RNASEK: variants seen among roughly 807,000 people sequenced by gnomAD.
The protein encoded by RNASEK is ribonuclease K.
RNASEK carries 7 observed loss-of-function variants against 11.2 expected under a neutral mutation model. That is an observed-to-expected ratio of 0.62 (90% CI 0.35 to 1.17). The LOEUF is 1.17. Among genes scored for constraint, RNASEK ranks in the 50% most tolerant of loss-of-function variants. The pLI is 0.02. For synonymous variants in RNASEK, 46 were observed against 49.5 expected (o/e 0.93, Z 0.30); for missense variants, 101 against 126.7 (o/e 0.80, Z 0.97).
Position 7,012,687 on chromosome 17 carries a change from G to T in RNASEK, c.4G>T (p.Ala2Ser), listed in dbSNP as rs1347019868. Reference sequence around the variant, plus strand: ...GCGATCCCCGACTCCCTTCTTTATGGCGTCGCTCCTGTGCTGTGGGCCGAA... The same window carrying T: ...GCGATCCCCGACTCCCTTCTTTATGTCGTCGCTCCTGTGCTGTGGGCCGAA... M[A>S]SLLCCGPKLA... is the part of the protein sequence containing the mutation. The change falls in exon 1 of 3, where the codon GCG becomes TCG. Residue 2 changes from alanine to serine, a missense_variant. Physicochemically the swap from Ala to Ser is moderately conservative, Grantham distance 99 (BLOSUM62 1). Coordinates refer to ENST00000593646, the MANE Select transcript of RNASEK (RefSeq NM_001004333.5). 2.5e-6 allele frequency: 4 copies of T among 1,613,080 alleles called. No homozygotes were observed. In the South Asian group the frequency reaches 3.3e-5, roughly 13 times the overall value.
chr17:7,013,950 T>C (rs547226589), intron 2 of RNASEK, 195 bp from the exon 3 acceptor site: 2 of 687,962 alleles, frequency 2.9e-6, no homozygotes, highest in Admixed American at 5.4e-5. Flanking sequence ...GTGACCTCTT[T>C]AGGTATTTTA....
chr17:7,014,076 G>A lies in RNASEK; in HGVS notation c.156-69G>A, dbSNP rs1374637806. On this transcript the variant is annotated intron_variant, in intron 2 of 2. Coordinates refer to ENST00000593646, the MANE Select transcript of RNASEK (RefSeq NM_001004333.5). The surrounding 1 kb of genome is among the most constrained non-coding windows in gnomAD (Gnocchi z 4.5). ...CGTAACAGCGCCTAAACAGGTGTCG[G>A]GCACATAGTGCTCAGAAAATGTTGG... The A allele has an allele frequency of 7.0e-7, 1 of 1,430,410 alleles. No homozygotes were observed. The highest frequency in any genetic ancestry group is 9.6e-7 in the Non-Finnish European group (1 of 1,037,886). The allele number at this position is 1,430,410 out of a possible 1,614,324, so 88.6% of individuals were successfully genotyped here.
Position 7,012,661 on chromosome 17 carries a change from G to C in RNASEK, c.-23G>C. ...CGCTTTCCGAGCCCGCTTGCACCTCGGCGATCCCCGACTCCCTTCTTTATG... is the reference window on the plus strand; with the variant it reads ...CGCTTTCCGAGCCCGCTTGCACCTCCGCGATCCCCGACTCCCTTCTTTATG... On this transcript the variant is annotated 5_prime_UTR_variant, in exon 1 of 3. Coordinates refer to ENST00000593646, the MANE Select transcript of RNASEK (RefSeq NM_001004333.5). 3 of 1,611,662 alleles carry C rather than the reference G, an allele frequency of 1.9e-6. No individual in the cohort carries two copies. The highest frequency in any genetic ancestry group is 2.2e-5 in the East Asian group (1 of 44,874).
At position 7,014,202 on chromosome 17, in the gene RNASEK, C is replaced by T. The variant is rs754922891; in HGVS notation, c.213C>T (p.Ile71=). Residue 71 remains isoleucine, a synonymous_variant, in exon 3 of 3, where the codon ATC becomes ATT. Coordinates refer to ENST00000593646, the MANE Select transcript of RNASEK (RefSeq NM_001004333.5). The surrounding 1 kb of genome is among the most constrained non-coding windows in gnomAD (Gnocchi z 4.5). The part of the protein sequence containing the change: ...LYEQVSYNCF[I]AAGLYLLLGG... ...AGCAAGTCAGCTACAACTGTTTCAT[C>T]GCTGCAGGCCTTTACCTCCTCCTCG... 2 of 1,601,300 alleles carry T rather than the reference C, an allele frequency of 1.2e-6. No individual in the cohort carries two copies. Among genetic ancestry groups the T allele is most frequent in the Admixed American group, 3.4e-5 (2 of 58,100 alleles).
chr17:7,014,004 A>G lies in RNASEK; in HGVS notation c.156-141A>G, dbSNP rs890610355. 1.4e-4 allele frequency: 116 copies of G among 826,182 alleles called. No homozygotes were observed. The East Asian group carries it at 2.9e-3, about 21-fold the overall frequency. The allele number at this position is 826,182 out of a possible 1,614,324, so 51.2% of individuals were successfully genotyped here. A position where few individuals can be genotyped will look rare whatever the true frequency, so the allele number is the denominator to read the frequency against. On this transcript the variant is annotated intron_variant, in intron 2 of 2. Coordinates refer to ENST00000593646, the MANE Select transcript of RNASEK (RefSeq NM_001004333.5). The surrounding 1 kb of genome is among the most constrained non-coding windows in gnomAD (Gnocchi z 4.5). ...TCCACCTCTGCAAAATGGCTATGACAGATCTCACCCCATAGGATGGTCAAG... is the reference window on the plus strand; with the variant it reads ...TCCACCTCTGCAAAATGGCTATGACGGATCTCACCCCATAGGATGGTCAAG...
Position 7,012,881 on chromosome 17 carries a change from C to G in RNASEK, c.78+120C>G. 3.6e-6 allele frequency: 3 copies of G among 822,672 alleles called. No individual in the cohort carries two copies. The South Asian group carries it at 5.0e-5, about 14-fold the overall frequency. The allele number at this position is 822,672 out of a possible 1,614,324, so 51.0% of individuals were successfully genotyped here. A position where few individuals can be genotyped will look rare whatever the true frequency, so the allele number is the denominator to read the frequency against. On this transcript the variant is annotated intron_variant, in intron 1 of 2. Transcript: ENST00000593646. ...GGAGGGGCCGGGGATCTACAGGCCC[C>G]GGAGAAGGAGACAGACTGAAATTGA... is the stretch of plus-strand genomic sequence containing the variant.
chr17:7,014,190 C>T lies in RNASEK; in HGVS notation c.201C>T (p.Tyr67=). 6.3e-7 allele frequency: 1 copy of T among 1,591,380 alleles called. No homozygotes were observed. The highest frequency in any genetic ancestry group is 1.7e-4 in the Middle Eastern group (1 of 6,036). The change falls in exon 3 of 3, where the codon TAC becomes TAT. Residue 67 remains tyrosine, a synonymous_variant. Transcript: ENST00000593646. This position sits in a 1 kb window ranked among gnomAD's most constrained non-coding sequence, Gnocchi z 4.5. ...ACAACCTTTACGAGCAAGTCAGCTA[C>T]AACTGTTTCATCGCTGCAGGCCTTT... is the stretch of plus-strand genomic sequence containing the variant. ...NIYNLYEQVS[Y]NCFIAAGLYL... is the part of the protein sequence containing the mutation.
intron 1 of RNASEK, 156 bp from the exon 2 acceptor site, chr17:7,013,510 G>A: frequency 1.3e-6 from 2 of 1,584,374 alleles, no homozygotes; most frequent in South Asian, 2.2e-5. Context: ...CTCACGCCCT[G>A]TTCCAGGTGG....
Position 7,013,690 on chromosome 17 carries a change from G to C in RNASEK, c.103G>C (p.Val35Leu), listed in dbSNP as rs761522882. ...GATAATGCTCGGAATATTTTTCAAT[G>C]TCCATTCCGCTGTGTTGATTGAGGA... ...MLIMLGIFFN[V>L]HSAVLIEDVP... Residue 35 changes from valine to leucine, a missense_variant, in exon 2 of 3, where the codon GTC (valine) becomes CTC (leucine). By Grantham distance (32) the Val-to-Leu change is conservative. Transcript: ENST00000593646. 1 of 1,613,780 alleles carries C rather than the reference G, an allele frequency of 6.2e-7. No homozygotes were observed. The highest frequency in any genetic ancestry group is 8.5e-7 in the Non-Finnish European group (1 of 1,179,710).
At chr17:7,013,259 A>T in intron 1 of RNASEK, 1 of 1,276,138 alleles carries the variant, frequency 7.8e-7, no homozygotes, top group Non-Finnish European at 1.1e-6. Flanking sequence ...TGAATGGAGG[A>T]CATGGGAGGA....
chr17:7,012,811 C>G lies in RNASEK; in HGVS notation c.78+50C>G, dbSNP rs759251025. ...CGGAGAGGGCCTGAGGGGCTCCGGG[C>G]TGGGAGGGCTGGGAGGCGAGGAAAC... On this transcript the variant is annotated intron_variant, in intron 1 of 2. Coordinates refer to ENST00000593646, the MANE Select transcript of RNASEK (RefSeq NM_001004333.5). The G allele has an allele frequency of 1.4e-4, 214 of 1,521,452 alleles. 1 individual carries two copies. The highest frequency in any genetic ancestry group is 1.1e-3 in the Middle Eastern group (6 of 5,472). The allele number at this position is 1,521,452 out of a possible 1,614,324, so 94.2% of individuals were successfully genotyped here. A position where few individuals can be genotyped will look rare whatever the true frequency, so the allele number is the denominator to read the frequency against.
At position 7,012,779 on chromosome 17, in the gene RNASEK, C is replaced by T. The variant is rs1289814991; in HGVS notation, c.78+18C>T. ...TCATGTTGGTGAGGGGACTCCCCGG[C>T]AAGGATCGGAGAGGGCCTGAGGGGC... On this transcript the variant is annotated intron_variant, in intron 1 of 2. Coordinates refer to ENST00000593646, the MANE Select transcript of RNASEK (RefSeq NM_001004333.5). 1 of 1,608,124 alleles carries T rather than the reference C, an allele frequency of 6.2e-7. No homozygotes were observed. The highest frequency in any genetic ancestry group is 1.3e-5 in the African/African-American group (1 of 74,882).
rs769049104 is a variant in RNASEK, at chr17:7,014,372, C to T, written c.*86C>T. The T allele has an allele frequency of 6.9e-7, 1 of 1,459,702 alleles. No homozygotes were observed. Among genetic ancestry groups the T allele is most frequent in the South Asian group, 1.2e-5 (1 of 84,270 alleles). 90.4% of individuals were successfully genotyped at this position (1,459,702 alleles called of 1,614,324 possible). ...CACCCAGGTCGCGTCCCACCCTTGC[C>T]GGCGCCCTCTGCGGGACTGGGTTTC... On this transcript the variant is annotated 3_prime_UTR_variant, in exon 3 of 3. Coordinates refer to ENST00000593646, the MANE Select transcript of RNASEK (RefSeq NM_001004333.5). The surrounding 1 kb of genome is among the most constrained non-coding windows in gnomAD (Gnocchi z 4.5).
In RNASEK at chr17:7,014,038, A is replaced by C. The variant is rs1909630179; in HGVS notation, c.156-107A>C. On this transcript the variant is annotated intron_variant, in intron 2 of 2. Coordinates refer to ENST00000593646, the MANE Select transcript of RNASEK (RefSeq NM_001004333.5). This position sits in a 1 kb window ranked among gnomAD's most constrained non-coding sequence, Gnocchi z 4.5. ...CCCATAGGATGGTCAAGAAGATTGA[A>C]TAAAGTAATACACGTAACAGCGCCT... is the stretch of plus-strand genomic sequence containing the variant. 1.9e-6 allele frequency: 2 copies of C among 1,060,752 alleles called. No individual in the cohort carries two copies. The highest frequency in any genetic ancestry group is 2.8e-6 in the Non-Finnish European group (2 of 715,232). The allele number at this position is 1,060,752 out of a possible 1,614,324, so 65.7% of individuals were successfully genotyped here.
chr17:7,013,765 C>T (rs1909603181), intron 2 of RNASEK, 23 bp downstream of exon 2: 5 of 592,964 alleles, frequency 8.4e-6, no homozygotes, highest in Non-Finnish European at 1.6e-5. Context: ...GTGGGGGAGG[C>T]GGGCTGGGAG....
rs566474251 is a variant in RNASEK at position 7,014,350 on chromosome 17, C to T, written c.*64C>T. ...TTAAAGACTCCCTGCACCGTGTCAC[C>T]CAGGTCGCGTCCCACCCTTGCCGGC... On this transcript the variant is annotated 3_prime_UTR_variant, in exon 3 of 3. Coordinates refer to ENST00000593646, the MANE Select transcript of RNASEK (RefSeq NM_001004333.5). The surrounding 1 kb of genome is among the most constrained non-coding windows in gnomAD (Gnocchi z 4.5). 692 of 1,571,068 alleles carry T rather than the reference C, an allele frequency of 4.4e-4. No individual in the cohort carries two copies. The highest frequency in any genetic ancestry group is 5.4e-4 in the Non-Finnish European group (624 of 1,148,826).
At position 7,014,403 on chromosome 17, in the gene RNASEK, CGA is replaced by C. The variant is rs1049516242; in HGVS notation, c.*122_*123del. 3.7e-6 allele frequency: 4 copies of C among 1,069,278 alleles called. No homozygotes were observed. The highest frequency in any genetic ancestry group is 1.6e-5 in the African/African-American group (1 of 63,496). The allele number at this position is 1,069,278 out of a possible 1,614,324, so 66.2% of individuals were successfully genotyped here. A position where few individuals can be genotyped will look rare whatever the true frequency, so the allele number is the denominator to read the frequency against. On this transcript the variant is annotated 3_prime_UTR_variant, in exon 3 of 3. Transcript: ENST00000593646. This position sits in a 1 kb window ranked among gnomAD's most constrained non-coding sequence, Gnocchi z 4.5. Reference sequence around the variant, plus strand: ...CCTCTGCGGGACTGGGTTTCCCGGGCGAGAGACTGAATCCCTTCTCCCATCTC... The same window carrying C: ...CCTCTGCGGGACTGGGTTTCCCGGGCGAGACTGAATCCCTTCTCCCATCTC...
intron 1 of RNASEK, 95 bp from the exon 2 acceptor site, chr17:7,013,571 G>A (rs1042066258): frequency 3.1e-6 from 5 of 1,605,210 alleles, no homozygotes; most frequent in Non-Finnish European, 3.4e-6. Flanking sequence ...TCTCAGGCTC[G>A]GGTGTTGTAG....
chr17:7,013,486 C>T (rs1303047253), intron 1 of RNASEK, 180 bp from the exon 2 acceptor site: 2 of 1,557,250 alleles, frequency 1.3e-6, no homozygotes, highest in African/African-American at 2.7e-5. Context: ...GACCACTTGT[C>T]TCAATGTCAC....
Sources: allele counts gnomAD v4.1 joint callset, GRCh38; gene constraint gnomAD v4.1.1; non-coding constraint Gnocchi (gnomAD v3.1); transcripts MANE v1.5; gene names NCBI Gene and HGNC (gene_info 2026-07-23, HGNC 2026-07-21).